Variants in TMEFF1 observed in about 807,000 individuals in gnomAD.
TMEFF1 encodes transmembrane protein with EGF like and two follistatin like domains 1.
TMEFF1 carries 20 observed loss-of-function variants against 47.5 expected under a neutral mutation model. The observed-to-expected ratio is 0.42, with a 90% CI of 0.30 to 0.61. TMEFF1 has a LOEUF of 0.61. TMEFF1 is among the 20% of genes least tolerant of loss of function. The pLI is 0.19. For synonymous variants in TMEFF1, 162 were observed against 166.3 expected (o/e 0.97, Z 0.20); for missense variants, 411 against 471.1 (o/e 0.87, Z 1.18).
At chr9:100,548,627 G>A (rs555766482) in intron 6 of TMEFF1, among the ~76,000 whole-genome samples, 5 of 152,236 alleles carry the variant, frequency 3.3e-5, no homozygotes, top group African/African-American at 1.2e-4. Flanking sequence ...TATCTTTCTT[G>A]CTTACTGGTT....
intron 1 of TMEFF1, among the ~76,000 whole-genome samples, chr9:100,497,100 T>C (rs1048584521): frequency 6.6e-6 from 1 of 152,034 alleles, no homozygotes; most frequent in African/African-American, 2.4e-5. Flanking sequence ...GGAAAATCCC[T>C]ATACCTAGGA....
At chr9:100,575,321 T>C (rs1025143598) in intron 9 of TMEFF1, among the ~76,000 whole-genome samples, 4 of 152,134 alleles carry the variant, frequency 2.6e-5, no homozygotes, top group Non-Finnish European at 5.9e-5. Flanking sequence ...ATTTTCAGAC[T>C]CATAGAATGA....
chr9:100,571,460 A>G (rs1242156065), intron 8 of TMEFF1, among the ~76,000 whole-genome samples: 1 of 152,190 alleles, frequency 6.6e-6, no homozygotes, highest in Non-Finnish European at 1.5e-5. Flanking sequence ...CTAAGAGAGT[A>G]GATTTTAAGT....
intron 2 of TMEFF1, among the ~76,000 whole-genome samples, chr9:100,502,232 A>AT (rs1271294909): frequency 6.6e-6 from 1 of 152,180 alleles, no homozygotes; most frequent in Non-Finnish European, 1.5e-5. Flanking sequence ...TCCTAATTTC[A>AT]TTTTTTTGTT....
At chr9:100,502,923 G>A (rs1034253682) in intron 2 of TMEFF1, among the ~76,000 whole-genome samples, 1 of 152,142 alleles carries the variant, frequency 6.6e-6, no homozygotes, top group African/African-American at 2.4e-5. Context: ...TTAAAGACTG[G>A]TTCCTTGCCT....
In TMEFF1 at chr9:100,565,219, A is replaced by G. The variant is rs1839100690; in HGVS notation, c.899+3699A>G. Reference sequence around the variant, plus strand: ...AGCATATCCATTTTACTTTCTACCTAGCAATTCTTCTATCCCACTAGCCCT... The same window carrying G: ...AGCATATCCATTTTACTTTCTACCTGGCAATTCTTCTATCCCACTAGCCCT... On this transcript the variant is annotated intron_variant, in intron 8 of 9. Coordinates refer to ENST00000374879, the MANE Select transcript of TMEFF1 (RefSeq NM_003692.5). 2.6e-5 allele frequency among the ~76,000 whole-genome samples: 4 copies of G among 152,120 alleles called. No individual in the cohort carries two copies. The South Asian group carries it at 8.3e-4, about 32-fold the overall frequency.
intron 1 of TMEFF1, among the ~76,000 whole-genome samples, chr9:100,476,817 C>T (rs906933403): frequency 1.3e-5 from 2 of 151,920 alleles, no homozygotes; most frequent in Non-Finnish European, 2.9e-5. Flanking sequence ...CTGCCTCAGC[C>T]TCCCCAGTAG....
chr9:100,535,249 AT>A (rs1279901634), intron 5 of TMEFF1, among the ~76,000 whole-genome samples: 2 of 150,972 alleles, frequency 1.3e-5, no homozygotes, highest in African/African-American at 4.9e-5. Context: ...TTACTTCTTC[AT>A]TTTCTTCACC....
intron 1 of TMEFF1, among the ~76,000 whole-genome samples, chr9:100,484,607 C>G (rs866028087): frequency 3.3e-5 from 5 of 151,868 alleles, no homozygotes; most frequent in Non-Finnish European, 7.4e-5. Context: ...GTGTGAGCCG[C>G]CGCGCCTGGC....
intron 6 of TMEFF1, 113 bp from the exon 7 acceptor site, chr9:100,549,982 G>A: frequency 2.4e-6 from 3 of 1,265,738 alleles, no homozygotes; most frequent in Non-Finnish European, 3.2e-6. Flanking sequence ...ACATGAGCAG[G>A]ATAAGGGGGC....
chr9:100,505,139 C>T (rs946106653), intron 2 of TMEFF1, among the ~76,000 whole-genome samples: 4 of 151,874 alleles, frequency 2.6e-5, no homozygotes, highest in African/African-American at 7.3e-5. Context: ...GCAGGTCGGG[C>T]GCGGTGGCTC....
intron 5 of TMEFF1, among the ~76,000 whole-genome samples, chr9:100,536,133 A>G (rs1838501520): frequency 6.6e-6 from 1 of 152,242 alleles, no homozygotes; most frequent in Non-Finnish European, 1.5e-5. Context: ...AGATCAGGCT[A>G]TGTTTATTAG....
At chr9:100,531,462 A>G (rs1480886174) in intron 5 of TMEFF1, among the ~76,000 whole-genome samples, 3 of 152,200 alleles carry the variant, frequency 2.0e-5, no homozygotes, top group Admixed American at 2.0e-4. Flanking sequence ...CAGAGAGCCA[A>G]ATCATGAGTG....
intron 1 of TMEFF1, among the ~76,000 whole-genome samples, chr9:100,489,234 A>C (rs1460614028): frequency 4.0e-5 from 6 of 151,402 alleles, no homozygotes; most frequent in African/African-American, 1.5e-4. Context: ...TTTTTTGGAG[A>C]TAAGATCTCT....
intron 5 of TMEFF1, among the ~76,000 whole-genome samples, chr9:100,536,711 T>C (rs1423132596): frequency 6.6e-6 from 1 of 152,148 alleles, no homozygotes; most frequent in Non-Finnish European, 1.5e-5. Context: ...TGTGATAAGA[T>C]TGTGGTACCA....
intron 5 of TMEFF1, among the ~76,000 whole-genome samples, chr9:100,533,756 G>A (rs923359639): frequency 1.3e-5 from 2 of 151,806 alleles, no homozygotes; most frequent in Non-Finnish European, 2.9e-5. Context: ...GTCTCGCTCA[G>A]TCGCCAGGCT....
At chr9:100,573,680 TA>T (rs1839291638) in intron 9 of TMEFF1, among the ~76,000 whole-genome samples, 1 of 152,238 alleles carries the variant, frequency 6.6e-6, no homozygotes, top group Admixed American at 6.5e-5. Context: ...GTGGCCCTTC[TA>T]TCCAAGGTCT....
At chr9:100,496,304 C>T (rs1002472870) in intron 1 of TMEFF1, among the ~76,000 whole-genome samples, 3 of 152,136 alleles carry the variant, frequency 2.0e-5, no homozygotes, top group Non-Finnish European at 4.4e-5. Context: ...TGCAGTGGCA[C>T]GATCTCCTCA....
chr9:100,482,445 G>T (rs1476541471), intron 1 of TMEFF1, among the ~76,000 whole-genome samples: 1 of 151,930 alleles, frequency 6.6e-6, no homozygotes, highest in Non-Finnish European at 1.5e-5. Context: ...TAATCTGCCC[G>T]CCTCGGCCTC....
Sources: gnomAD v4.1 joint callset for allele counts (sites outside exome capture counted in the v4.1 genomes callset) on GRCh38, gnomAD v4.1.1 for gene constraint, MANE v1.5 for transcripts, NCBI Gene and HGNC (gene_info 2026-07-23, HGNC 2026-07-21) for gene names.